MAGI2: variants seen among roughly 807,000 people sequenced by gnomAD.
MAGI2 encodes the protein membrane-associated guanylate kinase, WW and PDZ domain-containing protein 2.
Under a neutral mutation model 133.3 loss-of-function variants are expected in MAGI2, and 35 were observed. The ratio of observed to expected loss-of-function variants is 0.26; its 90% CI spans 0.20 to 0.35. MAGI2 has a LOEUF of 0.35. Ranked by LOEUF, MAGI2 falls within the 10% of genes least tolerant of loss-of-function variation. The pLI is 1.00. For synonymous variants in MAGI2, 729 were observed against 710.6 expected, an observed-to-expected ratio of 1.03 and a Z score of -0.41; for missense variants, 1,636 against 1,863.4, an observed-to-expected ratio of 0.88 and a Z score of 2.25.
intron 6 of MAGI2, among the ~76,000 whole-genome samples, chr7:78,454,978 T>C (rs1166333170): frequency 2.0e-5 from 3 of 152,118 alleles, no homozygotes; most frequent in Non-Finnish European, 4.4e-5. Flanking sequence ...TATAATACTT[T>C]AATATTGGAA....
chr7:79,190,723 A>G (rs1827577676), intron 1 of MAGI2, among the ~76,000 whole-genome samples: 1 of 151,844 alleles, frequency 6.6e-6, no homozygotes, highest in Non-Finnish European at 1.5e-5. Context: ...GACAAATTGT[A>G]TCAACCCTTC....
chr7:79,186,044 T>C (rs1827056150), intron 1 of MAGI2, among the ~76,000 whole-genome samples: 1 of 151,410 alleles, frequency 6.6e-6, no homozygotes, highest in Admixed American at 6.6e-5. Context: ...GAATTTTATG[T>C]CTTACAGAGC....
At chr7:78,661,956 C>A (rs139706551) in intron 2 of MAGI2, among the ~76,000 whole-genome samples, 1,852 of 152,262 alleles carry the variant, frequency 0.012, 43 homozygotes, top group African/African-American at 0.042. Flanking sequence ...AGACAAGAAA[C>A]AACAACACAA....
intron 1 of MAGI2, among the ~76,000 whole-genome samples, chr7:79,399,259 TA>T (rs1395193568): frequency 4.6e-5 from 7 of 151,860 alleles, no homozygotes; most frequent in African/African-American, 1.5e-4. Context: ...CATACCTGGC[TA>T]ATTTTTTATT....
chr7:78,271,357 A>C (rs137931813), intron 9 of MAGI2, among the ~76,000 whole-genome samples: 2,919 of 152,268 alleles, frequency 0.019, 100 homozygotes, highest in African/African-American at 0.066. Flanking sequence ...TCGGTTTGCC[A>C]GTATTTTATT....
chr7:78,878,995 G>C (rs1584255483), intron 2 of MAGI2, among the ~76,000 whole-genome samples: 1 of 152,014 alleles, frequency 6.6e-6, no homozygotes, highest in Non-Finnish European at 1.5e-5. Flanking sequence ...GTTCAGTAGG[G>C]CCCCTATGCT....
At chr7:78,958,714 G>A (rs897887270) in intron 2 of MAGI2, among the ~76,000 whole-genome samples, 1 of 152,100 alleles carries the variant, frequency 6.6e-6, no homozygotes, top group Non-Finnish European at 1.5e-5. Flanking sequence ...AATGAATGGG[G>A]TGAAGCCGTT....
intron 1 of MAGI2, among the ~76,000 whole-genome samples, chr7:79,447,961 A>ATACT (rs1336650967): frequency 6.6e-6 from 1 of 151,888 alleles, no homozygotes; most frequent in Non-Finnish European, 1.5e-5. Flanking sequence ...CAACAGCATG[A>ATACT]TACTTACTCT....
intron 3 of MAGI2, among the ~76,000 whole-genome samples, chr7:78,603,223 C>T (rs1307248879): frequency 2.6e-5 from 4 of 152,256 alleles, no homozygotes; most frequent in African/African-American, 9.6e-5. Context: ...GGATCTGGCT[C>T]AAAGGCAAAA....
rs118169416 is a variant in MAGI2, at chr7:79,191,560, G to A, written c.302-184354C>T. On this transcript the variant is annotated intron_variant, in intron 1 of 21. Coordinates refer to ENST00000354212, the MANE Select transcript of MAGI2 (RefSeq NM_012301.4). Reference sequence around the variant, plus strand: ...AGCCTCCCAAGTAGTTGGAACTACGGGCATGAGCCAAAATGCCTGGCCTGA... The same window carrying A: ...AGCCTCCCAAGTAGTTGGAACTACGAGCATGAGCCAAAATGCCTGGCCTGA... 7.6e-3 allele frequency among the ~76,000 whole-genome samples: 1,144 copies of A among 150,760 alleles called. 8 individuals carry two copies. Among genetic ancestry groups the A allele is most frequent in the Middle Eastern group, 0.01 (3 of 290 alleles).
In MAGI2 at chr7:78,291,279, T is replaced by A. The variant is rs562336054; in HGVS notation, c.1409-34698A>T. On this transcript the variant is annotated intron_variant, in intron 9 of 21. Coordinates refer to ENST00000354212, the MANE Select transcript of MAGI2 (RefSeq NM_012301.4). Reference sequence around the variant, plus strand: ...CCACTGATCCCACAGAAATACAAACTACCATCACAGAATACTATAAACACA... The same window carrying A: ...CCACTGATCCCACAGAAATACAAACAACCATCACAGAATACTATAAACACA... Among the ~76,000 whole-genome samples, 8 of 152,268 alleles carry A rather than the reference T, an allele frequency of 5.3e-5. No individual in the cohort carries two copies. The East Asian group carries it at 1.5e-3, about 29-fold the overall frequency.
At chr7:78,570,108 C>T (rs992101641) in intron 3 of MAGI2, among the ~76,000 whole-genome samples, 12 of 152,258 alleles carry the variant, frequency 7.9e-5, no homozygotes, top group East Asian at 7.7e-4. Context: ...CTCTTGTACA[C>T]GTCCTTTGGT....
chr7:78,973,301 A>C (rs533569885), intron 2 of MAGI2, among the ~76,000 whole-genome samples: 2 of 151,920 alleles, frequency 1.3e-5, no homozygotes, highest in East Asian at 2.0e-4. Flanking sequence ...GCTGAAACTT[A>C]CTTCTTTTGC....
chr7:78,224,209 T>C (rs567444499), intron 10 of MAGI2, among the ~76,000 whole-genome samples: 1 of 152,316 alleles, frequency 6.6e-6, no homozygotes, highest in African/African-American at 2.4e-5. Flanking sequence ...ATGTAGAATT[T>C]ATGCAGAAAC....
chr7:78,826,853 A>T (rs948629157), intron 2 of MAGI2, among the ~76,000 whole-genome samples: 8 of 152,194 alleles, frequency 5.3e-5, no homozygotes, highest in African/African-American at 1.9e-4. Context: ...CTAGTTCGCG[A>T]AAGTGTGCAG....
At chr7:78,458,035 T>C (rs1290632364) in intron 6 of MAGI2, among the ~76,000 whole-genome samples, 2 of 151,982 alleles carry the variant, frequency 1.3e-5, no homozygotes, top group African/African-American at 4.8e-5. Flanking sequence ...TGGTGGCTAA[T>C]GCTTGTAATC....
At chr7:79,428,956 A>G (rs185966913) in intron 1 of MAGI2, among the ~76,000 whole-genome samples, 1 of 152,258 alleles carries the variant, frequency 6.6e-6, no homozygotes, top group East Asian at 1.9e-4. Flanking sequence ...TCTTTTAAAT[A>G]TACCTTGATT....
intron 1 of MAGI2, among the ~76,000 whole-genome samples, chr7:79,061,091 A>G (rs1322263257): frequency 6.6e-6 from 1 of 151,960 alleles, no homozygotes; most frequent in Non-Finnish European, 1.5e-5. Flanking sequence ...CTTAGCTTGT[A>G]TTTTCATTTA....
chr7:78,503,384 C>T (rs1034943809), intron 4 of MAGI2, among the ~76,000 whole-genome samples: 2 of 151,960 alleles, frequency 1.3e-5, no homozygotes, highest in Middle Eastern at 6.3e-3. Context: ...GTGTCCCCAT[C>T]CAAAATCTCA....
Sources: allele counts gnomAD v4.1 joint callset (sites outside exome capture counted in the v4.1 genomes callset), GRCh38; gene constraint gnomAD v4.1.1; transcripts MANE v1.5; gene names NCBI Gene and HGNC (gene_info 2026-07-23, HGNC 2026-07-21).